MTIF3: variants seen among roughly 807,000 people sequenced by gnomAD.
MTIF3 encodes translation initiation factor IF-3, mitochondrial.
A neutral mutation model predicts 20.7 loss-of-function variants in MTIF3; 13 were observed. The ratio of observed to expected loss-of-function variants is 0.63; its 90% confidence interval spans 0.41 to 1.00. The LOEUF (loss-of-function observed/expected upper bound fraction) is 1.00, where lower values mean the gene tolerates loss of function less well. MTIF3 is among the 50% of genes least tolerant of loss of function. MTIF3 has a pLI of 0.00. For missense variants in MTIF3, 295 were observed against 324.5 expected, an observed-to-expected ratio of 0.91 and a Z score of 0.70; for synonymous variants, 114 against 112.5, an observed-to-expected ratio of 1.01 and a Z score of -0.08.
At chr13:27,444,803 AC>A (rs1269159056) in intron 2 of MTIF3, among the ~76,000 whole-genome samples, 1 of 152,160 alleles carries the variant, frequency 6.6e-6, no homozygotes, top group South Asian at 2.1e-4. Context: ...CAATTAAAAA[AC>A]GTTCCTTTAT....
rs1327867245 is a variant in MTIF3, at chr13:27,437,233, A to G, written c.501T>C (p.Ile167=). The change falls in exon 4 of 5, where the codon ATT becomes ATC. Residue 167 remains isoleucine (I), a synonymous_variant. Transcript: ENST00000381120. ...LRKELILSSN[I]GQHDLDTKTK... ...TCTTTGTGTCCAAATCATGTTGTCC[A>G]ATATTTGAAGACAAAATCAGTTCCT... is the stretch of plus-strand genomic sequence containing the variant. The G allele has an allele frequency of 1.2e-6, 2 of 1,613,820 alleles. No individual in the cohort carries two copies. The highest frequency in any genetic ancestry group is 1.7e-6 in the Non-Finnish European group (2 of 1,180,010).
At chr13:27,443,351 G>T (rs1352238063) in intron 2 of MTIF3, among the ~76,000 whole-genome samples, 1 of 152,184 alleles carries the variant, frequency 6.6e-6, no homozygotes, top group Non-Finnish European at 1.5e-5. Context: ...AATCTGAAAA[G>T]ATCACAGAAG....
intron 1 of MTIF3, among the ~76,000 whole-genome samples, chr13:27,449,618 T>C (rs943267343): frequency 6.6e-6 from 1 of 152,238 alleles, no homozygotes; most frequent in Non-Finnish European, 1.5e-5. Context: ...AGCTTAACAC[T>C]GAATGCTTCT....
At chr13:27,437,761 C>A (rs971675252) in intron 3 of MTIF3, among the ~76,000 whole-genome samples, 10 of 152,100 alleles carry the variant, frequency 6.6e-5, no homozygotes, top group African/African-American at 1.9e-4. Flanking sequence ...AAGGAACCGG[C>A]CACTCAATAA....
Position 27,435,856 on chromosome 13 carries a change from C to G in MTIF3, c.656G>C (p.Gly219Ala), listed in dbSNP as rs748336585. The G allele has an allele frequency of 3.1e-6, 5 of 1,613,724 alleles. No individual in the cohort carries two copies. In the South Asian group the frequency reaches 5.5e-5, roughly 18 times the overall value. ...IFHQILQTMP[G>A]IATFSSRPQA... ...TGGCCTAGATGAGAATGTAGCTATTCCAGGCATAGTCTGGAGTATTTGATG... is the reference window on the plus strand; with the variant it reads ...TGGCCTAGATGAGAATGTAGCTATTGCAGGCATAGTCTGGAGTATTTGATG... Residue 219 changes from glycine to alanine, a missense_variant, in exon 5 of 5, where the codon GGA (glycine) becomes GCA (alanine). Transcript: ENST00000381120.
chr13:27,440,420 G>C lies in MTIF3; in HGVS notation c.29C>G (p.Thr10Arg), dbSNP rs1209779320. 6.2e-7 allele frequency: 1 copy of C among 1,609,158 alleles called. No individual in the cohort carries two copies. The highest frequency in any genetic ancestry group is 1.1e-5 in the South Asian group (1 of 90,530). MAALFLKRL[T>R]LQTVKSENSC... ...ATTTTCAGACTTTACAGTTTGTAGT[G>C]TTAACCTCTTTAGAAAAAGAGCAGC... The change falls in exon 3 of 5, where the codon ACA (threonine) becomes AGA (arginine). Residue 10 changes from threonine to arginine, a missense_variant. Transcript: ENST00000381120.
At chr13:27,448,507 G>A (rs902514853) in intron 1 of MTIF3, among the ~76,000 whole-genome samples, 1 of 152,140 alleles carries the variant, frequency 6.6e-6, no homozygotes, top group African/African-American at 2.4e-5. Context: ...CCGTTACTGG[G>A]CCTTCATGCT....
intron 1 of MTIF3, among the ~76,000 whole-genome samples, chr13:27,448,492 C>A (rs931479330): frequency 6.6e-6 from 1 of 152,210 alleles, no homozygotes; most frequent in African/African-American, 2.4e-5. Context: ...AGAGGGCCTG[C>A]GCTACCGTTA....
rs183272216 is a variant in MTIF3, at chr13:27,447,888, C to T, written c.-71+2621G>A. Among the ~76,000 whole-genome samples, 4 of 96,788 alleles carry T rather than the reference C, an allele frequency of 4.1e-5. No homozygotes were observed. In the South Asian group the frequency reaches 1.2e-3, roughly 29 times the overall value. 63.5% of individuals were successfully genotyped at this position (96,788 alleles called of 152,430 possible). On this transcript the variant is annotated intron_variant, in intron 1 of 4. Coordinates refer to ENST00000381120, the MANE Select transcript of MTIF3 (RefSeq NM_152912.5). ...GTGTCCTCCAAGTATATGAATATAT[C>T]GCAGTTTTTAAATCTAGTTTTCGTT...
chr13:27,439,819 A>G (rs1339652660), intron 3 of MTIF3, among the ~76,000 whole-genome samples, 170 bp downstream of exon 3: 1 of 152,226 alleles, frequency 6.6e-6, no homozygotes, highest in Non-Finnish European at 1.5e-5. Flanking sequence ...AGGGAACAGG[A>G]GTAAGTGCAG....
At position 27,440,265 on chromosome 13, in the gene MTIF3, G is replaced by A. The variant is rs1175940285; in HGVS notation, c.184C>T (p.Gln62Ter). 27 of 1,613,892 alleles carry A rather than the reference G, an allele frequency of 1.7e-5. No individual in the cohort carries two copies. Among genetic ancestry groups the A allele is most frequent in the Non-Finnish European group, 2.3e-5 (27 of 1,180,024 alleles). Residue 62 changes from glutamine to a stop codon, truncating the protein, a stop_gained, in exon 3 of 5, where the codon CAG becomes TAG. Transcript: ENST00000381120. LOFTEE classifies it high-confidence loss of function. Reference protein sequence around the residue: ...AKAFSTAEDTQNEGKKTKKNK... With the variant: ...AKAFSTAEDT ...TTTTTTGTCTTTTTTCCTTCATTCT[G>A]GGTGTCTTCAGCGGTACTAAAGGCT...
intron 3 of MTIF3, among the ~76,000 whole-genome samples, chr13:27,438,483 G>GTTGT (rs1226241052): frequency 2.8e-5 from 3 of 107,174 alleles, no homozygotes; most frequent in African/African-American, 1.3e-4. Flanking sequence ...GAGCAAGACT[G>GTTGT]TTTTTTTTTT....
intron 2 of MTIF3, among the ~76,000 whole-genome samples, chr13:27,443,737 ATT>A (rs1282077723): frequency 6.6e-6 from 1 of 152,124 alleles, no homozygotes; most frequent in Non-Finnish European, 1.5e-5. Context: ...AAATTTCAAA[ATT>A]TGATTTTTTT....
At chr13:27,443,838 T>C (rs1439475419) in intron 2 of MTIF3, among the ~76,000 whole-genome samples, 3 of 152,212 alleles carry the variant, frequency 2.0e-5, no homozygotes, top group Non-Finnish European at 2.9e-5. Context: ...TTCCCCTATT[T>C]TTCCTAATTG....
chr13:27,437,891 T>C (rs1459054080), intron 3 of MTIF3, among the ~76,000 whole-genome samples: 3 of 152,070 alleles, frequency 2.0e-5, no homozygotes, highest in African/African-American at 7.2e-5. Flanking sequence ...ACAGAATGGT[T>C]TGTGATCTCA....
chr13:27,436,829 G>A (rs1953782616), intron 4 of MTIF3, among the ~76,000 whole-genome samples: 1 of 135,018 alleles, frequency 7.4e-6, no homozygotes, highest in South Asian at 2.4e-4. Context: ...TCGGCTCACT[G>A]CAAGCTCCGC....
chr13:27,449,299 T>C (rs748972590), intron 1 of MTIF3, among the ~76,000 whole-genome samples: 10 of 152,222 alleles, frequency 6.6e-5, no homozygotes, highest in Non-Finnish European at 1.2e-4. Flanking sequence ...CCACCTCGTT[T>C]GGATTCCTGC....
At chr13:27,441,446 C>T (rs536419839) in intron 2 of MTIF3, among the ~76,000 whole-genome samples, 2 of 152,334 alleles carry the variant, frequency 1.3e-5, no homozygotes, top group East Asian at 1.9e-4. Flanking sequence ...TGTCAGAAAA[C>T]ACTGTGACAT....
intron 4 of MTIF3, among the ~76,000 whole-genome samples, chr13:27,436,144 T>C (rs1357183384): frequency 8.5e-5 from 13 of 152,188 alleles, no homozygotes; most frequent in Non-Finnish European, 1.9e-4. Flanking sequence ...GAGGCTACGT[T>C]TGGCTCAGCA....
Sources: gnomAD v4.1 joint callset for allele counts (sites outside exome capture counted in the v4.1 genomes callset) on GRCh38, gnomAD v4.1.1 for gene constraint, MANE v1.5 for transcripts, NCBI Gene and HGNC (gene_info 2026-07-23, HGNC 2026-07-21) for gene names.